Variants in TBC1D5 observed in about 807,000 individuals in gnomAD.
The protein encoded by TBC1D5 is TBC1 domain family, member 5.
A neutral mutation model predicts 100.3 loss-of-function variants in TBC1D5; 75 were observed. The observed-to-expected ratio is 0.75, with a 90% CI of 0.62 to 0.91. The LOEUF is 0.91. Ranked by LOEUF, TBC1D5 falls within the 40% of genes least tolerant of loss-of-function variation. The pLI is 0.00. For synonymous variants in TBC1D5, 323 were observed against 325.6 expected (o/e 0.99, Z 0.09); for missense variants, 910 against 942.4 (o/e 0.97, Z 0.45).
chr3:17,563,404 G>C (rs1278538426), intron 2 of TBC1D5, among the ~76,000 whole-genome samples: 1 of 152,168 alleles, frequency 6.6e-6, no homozygotes, highest in East Asian at 1.9e-4. Context: ...ACAGTGAGAA[G>C]AGAAAAGCAC....
intron 17 of TBC1D5, among the ~76,000 whole-genome samples, chr3:17,236,489 A>AT (rs754298173): frequency 0.043 from 6,256 of 144,448 alleles, 347 homozygotes; most frequent in African/African-American, 0.13. Flanking sequence ...TTTCAACGAG[A>AT]TTTTTTTTTT....
intron 3 of TBC1D5, among the ~76,000 whole-genome samples, chr3:17,488,463 G>C (rs776089247): frequency 6.6e-6 from 1 of 152,142 alleles, no homozygotes; most frequent in Admixed American, 6.6e-5. Flanking sequence ...CTGTATAGAC[G>C]TAAGTTTTCA....
chr3:17,736,127 T>A lies in TBC1D5; in HGVS notation c.-101+3216A>T, dbSNP rs190838344. Among the ~76,000 whole-genome samples the A allele has an allele frequency of 9.0e-3, 1,365 of 152,322 alleles. 10 individuals carry two copies. The highest frequency in any genetic ancestry group is 0.015 in the Non-Finnish European group (1,039 of 68,024). Reference sequence around the variant, plus strand: ...TGAGCTGAGTTACAAGCCCTGTGTTTAAAGGCAGATGCAGTCACCTTCCCC... The same window carrying A: ...TGAGCTGAGTTACAAGCCCTGTGTTAAAAGGCAGATGCAGTCACCTTCCCC... On this transcript the variant is annotated intron_variant, in intron 1 of 21. Transcript: ENST00000253692.
intron 13 of TBC1D5, among the ~76,000 whole-genome samples, chr3:17,363,462 A>AT (rs928194837): frequency 1.3e-5 from 2 of 150,456 alleles, no homozygotes; most frequent in African/African-American, 4.9e-5. Flanking sequence ...CTTTTTTTTT[A>AT]TTTTTTTATT....
At chr3:17,248,370 T>G (rs2076920463) in intron 16 of TBC1D5, among the ~76,000 whole-genome samples, 1 of 152,204 alleles carries the variant, frequency 6.6e-6, no homozygotes, top group African/African-American at 2.4e-5. Flanking sequence ...CAAACTCTTG[T>G]TAATGTTGAT....
intron 3 of TBC1D5, among the ~76,000 whole-genome samples, chr3:17,445,503 T>C (rs956185972): frequency 3.9e-5 from 6 of 152,196 alleles, no homozygotes; most frequent in Non-Finnish European, 7.4e-5. Flanking sequence ...CTGTTCTATA[T>C]ATTAACCTTC....
chr3:17,598,549 CCTGT>C (rs1323957552), intron 2 of TBC1D5, among the ~76,000 whole-genome samples: 1 of 152,088 alleles, frequency 6.6e-6, no homozygotes, highest in Non-Finnish European at 1.5e-5. Context: ...TATAATATCA[CCTGT>C]CTGTCACCTT....
chr3:17,167,168 A>G (rs1478092684), intron 20 of TBC1D5, among the ~76,000 whole-genome samples: 1 of 152,224 alleles, frequency 6.6e-6, no homozygotes, highest in East Asian at 1.9e-4. Context: ...TCACAGGGTC[A>G]CATATGGGAG....
chr3:17,265,073 G>A (rs2078712007), intron 15 of TBC1D5, among the ~76,000 whole-genome samples: 1 of 152,152 alleles, frequency 6.6e-6, no homozygotes, highest in Non-Finnish European at 1.5e-5. Context: ...TTATTTCTCA[G>A]AATAGGAGCA....
At chr3:17,718,533 C>T (rs530232160) in intron 1 of TBC1D5, among the ~76,000 whole-genome samples, 63 of 152,182 alleles carry the variant, frequency 4.1e-4, no homozygotes, top group African/African-American at 1.4e-3. Context: ...GGAGGCAGAG[C>T]TTGCAGTAAG....
intron 9 of TBC1D5, among the ~76,000 whole-genome samples, chr3:17,380,512 A>G (rs1289904536): frequency 6.6e-6 from 1 of 152,060 alleles, no homozygotes; most frequent in Non-Finnish European, 1.5e-5. Flanking sequence ...AATTTGACAA[A>G]ACGTAATAGA....
chr3:17,731,285 G>A (rs372820917), intron 1 of TBC1D5, among the ~76,000 whole-genome samples: 261 of 151,954 alleles, frequency 1.7e-3, no homozygotes, highest in African/African-American at 5.9e-3. Flanking sequence ...GGCGGATCAC[G>A]AGGTCAAGAG....
At chr3:17,494,743 G>A (rs971969290) in intron 3 of TBC1D5, among the ~76,000 whole-genome samples, 1 of 152,186 alleles carries the variant, frequency 6.6e-6, no homozygotes, top group Non-Finnish European at 1.5e-5. Flanking sequence ...GCACCATCGG[G>A]GAAAACCGCT....
At chr3:17,182,655 G>C (rs2068578136) in intron 19 of TBC1D5, among the ~76,000 whole-genome samples, 1 of 152,122 alleles carries the variant, frequency 6.6e-6, no homozygotes. Flanking sequence ...CATCCAAGTA[G>C]CCAGAAAAGC....
intron 2 of TBC1D5, among the ~76,000 whole-genome samples, chr3:17,558,851 T>G (rs1240248799): frequency 6.6e-6 from 1 of 152,180 alleles, no homozygotes; most frequent in Non-Finnish European, 1.5e-5. Flanking sequence ...TACCTTGAAT[T>G]TTTTAAACTG....
In TBC1D5 at chr3:17,259,712, C is replaced by T. The variant is rs746969898; in HGVS notation, c.1246-1121G>A. Among the ~76,000 whole-genome samples the T allele has an allele frequency of 4.4e-4, 51 of 114,832 alleles. 1 individual carries two copies. Among genetic ancestry groups the T allele is most frequent in the Non-Finnish European group, 3.8e-4 (20 of 52,718 alleles). The allele number at this position is 114,832 out of a possible 152,430, so 75.3% of individuals were successfully genotyped here. On this transcript the variant is annotated intron_variant, in intron 15 of 21. Transcript: ENST00000253692. Reference sequence around the variant, plus strand: ...GCACTGATACACTTGCATGCAGGCACGGGGGGGGTTGCGGGGGGATATAAT... The same window carrying T: ...GCACTGATACACTTGCATGCAGGCATGGGGGGGGTTGCGGGGGGATATAAT...
chr3:17,186,131 G>A (rs1405486658), intron 18 of TBC1D5, among the ~76,000 whole-genome samples: 1 of 151,160 alleles, frequency 6.6e-6, no homozygotes, highest in Non-Finnish European at 1.5e-5. Flanking sequence ...TGCCAGGGCT[G>A]GAATAGGCTA....
chr3:17,438,340 G>A (rs1053697249), intron 3 of TBC1D5, among the ~76,000 whole-genome samples: 3 of 152,140 alleles, frequency 2.0e-5, no homozygotes, highest in South Asian at 2.1e-4. Context: ...TGGTTTGGCT[G>A]TTTCCCTACT....
Position 17,689,533 on chromosome 3 carries a change from A to AG in TBC1D5, c.-101+49809_-101+49810insC, listed in dbSNP as rs547873778. ...GACCCTGTCTCAAAAAAAAAAAAAAAAAAGAAAAGAAAAAGAGAAAAAAGG... is the reference window on the plus strand; with the variant it reads ...GACCCTGTCTCAAAAAAAAAAAAAAAGAAAGAAAAGAAAAAGAGAAAAAAGG... On this transcript the variant is annotated intron_variant, in intron 1 of 21. Transcript: ENST00000253692. Among the ~76,000 whole-genome samples the AG allele has an allele frequency of 1.0e-3, 156 of 151,776 alleles. 2 individuals are homozygous for AG. In the South Asian group the frequency reaches 0.018, roughly 18 times the overall value.
Sources: allele counts gnomAD v4.1 joint callset (sites outside exome capture counted in the v4.1 genomes callset), GRCh38; gene constraint gnomAD v4.1.1; transcripts MANE v1.5; gene names NCBI Gene and HGNC (gene_info 2026-07-23, HGNC 2026-07-21).